Variants in CDH12 observed in about 807,000 individuals in gnomAD.
The protein encoded by CDH12 is cadherin-12.
CDH12 carries 41 observed loss-of-function variants against 74.1 expected under a neutral mutation model. The ratio of observed to expected loss-of-function variants is 0.55; its 90% CI spans 0.43 to 0.72. The LOEUF (loss-of-function observed/expected upper bound fraction) is 0.72. Among genes scored for constraint, CDH12 ranks in the 30% least tolerant of loss-of-function variants. The probability of loss-of-function intolerance (pLI) is 0.00; values close to 1 mark genes in which losing one functional copy is unlikely to be tolerated. For missense variants in CDH12, 945 were observed against 977.2 expected (o/e 0.97, Z 0.44); for synonymous variants, 399 against 355.0 (o/e 1.12, Z -1.39).
intron 6 of CDH12, among the ~76,000 whole-genome samples, chr5:21,928,949 C>A (rs570151268): frequency 1.3e-5 from 2 of 151,922 alleles, no homozygotes; most frequent in African/African-American, 4.8e-5. Flanking sequence ...CTTGATTTTC[C>A]TTCTTCATTC....
intron 8 of CDH12, among the ~76,000 whole-genome samples, chr5:21,832,563 G>GTGTT (rs1420009818): frequency 2.6e-4 from 39 of 151,254 alleles, no homozygotes; most frequent in Non-Finnish European, 4.3e-4. Flanking sequence ...CTATATATGA[G>GTGTT]TGTCTGTTTG....
At chr5:22,779,795 T>C (rs1417425261) in intron 1 of CDH12, among the ~76,000 whole-genome samples, 1 of 152,202 alleles carries the variant, frequency 6.6e-6, no homozygotes, top group African/African-American at 2.4e-5. Context: ...CATGTGGAAC[T>C]GCAAGTCAGT....
At chr5:22,333,553 T>C (rs1383124869) in intron 3 of CDH12, among the ~76,000 whole-genome samples, 1 of 151,604 alleles carries the variant, frequency 6.6e-6, no homozygotes, top group Non-Finnish European at 1.5e-5. Flanking sequence ...CTACCAAACA[T>C]CTAAAAAAGA....
intron 5 of CDH12, among the ~76,000 whole-genome samples, chr5:21,975,683 T>C (rs2161503): frequency 0.26 from 38,859 of 151,990 alleles, 7,385 homozygotes; most frequent in African/African-American, 0.53. Context: ...ATCTCATATC[T>C]ATTCTTCTGT....
rs867168277 is a variant in CDH12 at position 22,472,022 on chromosome 5, C to A, written c.-428+33248G>T. 1.2e-4 allele frequency among the ~76,000 whole-genome samples: 19 copies of A among 152,208 alleles called. No homozygotes were observed. In the Middle Eastern group the frequency reaches 0.017, roughly 136 times the overall value. On this transcript the variant is annotated intron_variant, in intron 2 of 14. Coordinates refer to ENST00000382254, the MANE Select transcript of CDH12 (RefSeq NM_004061.5). Reference sequence around the variant, plus strand: ...TGGGTAGAAAATTACTGAGAGGAGACACCCAGGGTAAGGGAATTCTTTCTA... The same window carrying A: ...TGGGTAGAAAATTACTGAGAGGAGAAACCCAGGGTAAGGGAATTCTTTCTA...
intron 1 of CDH12, among the ~76,000 whole-genome samples, chr5:22,816,056 A>T (rs1221302228): frequency 6.6e-6 from 1 of 152,216 alleles, no homozygotes; most frequent in Non-Finnish European, 1.5e-5. Context: ...CAGCGATTTT[A>T]CTTGGTTCTT....
At chr5:21,885,632 C>CA (rs1009084472) in intron 6 of CDH12, among the ~76,000 whole-genome samples, 1 of 152,008 alleles carries the variant, frequency 6.6e-6, no homozygotes, top group African/African-American at 2.4e-5. Context: ...ATGAGTTTGC[C>CA]AAAAAATATC....
At chr5:22,466,573 A>C (rs910665773) in intron 2 of CDH12, among the ~76,000 whole-genome samples, 1 of 152,114 alleles carries the variant, frequency 6.6e-6, no homozygotes, top group East Asian at 1.9e-4. Context: ...GAGTAAAGGC[A>C]AAAAGGAGAA....
intron 3 of CDH12, among the ~76,000 whole-genome samples, chr5:22,360,440 T>C (rs1410206629): frequency 6.6e-6 from 1 of 152,108 alleles, no homozygotes; most frequent in Non-Finnish European, 1.5e-5. Flanking sequence ...CAATAATTAA[T>C]AACTTACCAA....
intron 4 of CDH12, among the ~76,000 whole-genome samples, chr5:22,165,667 C>T (rs1440570636): frequency 6.6e-6 from 1 of 152,158 alleles, no homozygotes; most frequent in Admixed American, 6.5e-5. Flanking sequence ...TACGGGGCTG[C>T]ATCCCCAGAT....
chr5:21,797,184 GTGATGATGA>G (rs60534561), intron 10 of CDH12, among the ~76,000 whole-genome samples: 297 of 151,322 alleles, frequency 2.0e-3, no homozygotes, highest in Non-Finnish European at 2.7e-3. Flanking sequence ...GCTGTGCTTA[GTGATGATGA>G]TGATGATGAT....
intron 1 of CDH12, among the ~76,000 whole-genome samples, chr5:22,701,497 T>C (rs921077756): frequency 7.9e-5 from 12 of 152,128 alleles, no homozygotes; most frequent in South Asian, 4.1e-4. Flanking sequence ...TCTTATAATA[T>C]CAAGGAAAAT....
intron 3 of CDH12, among the ~76,000 whole-genome samples, chr5:22,257,975 T>C (rs75490469): frequency 0.04 from 6,084 of 152,226 alleles, 429 homozygotes; most frequent in African/African-American, 0.14. Flanking sequence ...GTAAAAATGT[T>C]ACAGTAAGTT....
chr5:22,035,678 A>G (rs957816826), intron 5 of CDH12, among the ~76,000 whole-genome samples: 1 of 150,760 alleles, frequency 6.6e-6, no homozygotes, highest in African/African-American at 2.5e-5. Flanking sequence ...ACTTTTATGA[A>G]GAGGTTTACT....
intron 2 of CDH12, among the ~76,000 whole-genome samples, chr5:22,463,728 G>A (rs971083699): frequency 6.6e-6 from 1 of 151,950 alleles, no homozygotes; most frequent in African/African-American, 2.4e-5. Context: ...AATTTATGAA[G>A]TTAATTTAGT....
intron 1 of CDH12, among the ~76,000 whole-genome samples, chr5:22,597,513 A>G (rs1330715095): frequency 6.6e-6 from 1 of 152,174 alleles, no homozygotes; most frequent in Admixed American, 6.5e-5. Flanking sequence ...CTTCCCCACC[A>G]GATCATTTTA....
At chr5:21,829,782 T>G (rs1748900354) in intron 8 of CDH12, among the ~76,000 whole-genome samples, 1 of 152,200 alleles carries the variant, frequency 6.6e-6, no homozygotes, top group African/African-American at 2.4e-5. Flanking sequence ...TCCTCATAAC[T>G]TCATTCTCCT....
intron 1 of CDH12, among the ~76,000 whole-genome samples, chr5:22,838,170 A>G (rs142652450): frequency 6.6e-6 from 1 of 152,302 alleles, no homozygotes; most frequent in East Asian, 1.9e-4. Context: ...GCTGAAAAAC[A>G]GCAGCCTTAA....
At chr5:22,187,654 G>GAA (rs993049801) in intron 4 of CDH12, among the ~76,000 whole-genome samples, 3 of 105,466 alleles carry the variant, frequency 2.8e-5, no homozygotes, top group African/African-American at 1.1e-4. Context: ...CTTGAAAGAG[G>GAA]AAAAAAAAAA....
Sources: gnomAD v4.1 joint callset for allele counts (sites outside exome capture counted in the v4.1 genomes callset) on GRCh38, gnomAD v4.1.1 for gene constraint, MANE v1.5 for transcripts, NCBI Gene and HGNC (gene_info 2026-07-23, HGNC 2026-07-21) for gene names.